MBP: variants seen among roughly 807,000 people sequenced by gnomAD.
The protein encoded by MBP is Golli-MBP.
In MBP, 16 loss-of-function variants were observed where a neutral mutation model predicts 35.8. That is an observed-to-expected ratio of 0.45 (90% CI 0.30 to 0.68). MBP has a LOEUF of 0.68. Among genes scored for constraint, MBP ranks in the 30% least tolerant of loss-of-function variants. The probability of loss-of-function intolerance (pLI) is 0.08; values close to 1 mark genes in which losing one functional copy is unlikely to be tolerated. For synonymous variants in MBP, 143 were observed against 159.6 expected (o/e 0.90, Z 0.78); for missense variants, 380 against 404.7 (o/e 0.94, Z 0.52).
chr18:77,113,934 C>T (rs1342369168), intron 1 of MBP: 2 of 152,232 alleles, frequency 1.3e-5, no homozygotes, highest in Admixed American at 6.5e-5. Flanking sequence ...CAGCAAGCTT[C>T]CCCGTGACAC....
At chr18:76,986,924 G>A (rs1018216555) in intron 7 of MBP, 1 of 985,340 alleles carries the variant, frequency 1.0e-6, no homozygotes, top group Non-Finnish European at 1.2e-6. Context: ...ACACAACACA[G>A]CTTAGAAAGA....
intron 3 of MBP, among the ~76,000 whole-genome samples, chr18:77,049,190 A>T (rs1973381545): frequency 6.8e-6 from 1 of 147,866 alleles, no homozygotes; most frequent in African/African-American, 2.5e-5. Context: ...AAGTGCTGGG[A>T]TTACAGGTGT....
intron 2 of MBP, among the ~76,000 whole-genome samples, chr18:77,078,913 G>C (rs1974771517): frequency 6.6e-6 from 1 of 152,176 alleles, no homozygotes. Flanking sequence ...CCAGGAGCCT[G>C]GCTGTGCCCT....
At chr18:77,113,272 G>A (rs1789093) in intron 1 of MBP, 44,538 of 152,266 alleles carry the variant, frequency 0.29, 7,705 homozygotes, top group South Asian at 0.41. Flanking sequence ...TAGATACACG[G>A]CATTTCACAC....
chr18:77,069,370 T>A (rs57025117), intron 2 of MBP, among the ~76,000 whole-genome samples: 24,913 of 152,276 alleles, frequency 0.16, 2,149 homozygotes, highest in South Asian at 0.25. Context: ...TTTTACATCC[T>A]GCTTCTATGC....
At chr18:77,003,892 C>T (rs923071847) in intron 4 of MBP, 3 of 152,040 alleles carry the variant, frequency 2.0e-5, no homozygotes, top group African/African-American at 7.3e-5. Flanking sequence ...TTATTCAATG[C>T]GTGCGTATTT....
intron 4 of MBP, among the ~76,000 whole-genome samples, chr18:77,002,462 TAATC>T (rs2123309588): frequency 6.6e-6 from 1 of 152,372 alleles, no homozygotes; most frequent in Admixed American, 6.5e-5. Flanking sequence ...GGCATTGTCT[TAATC>T]AAGTAAGTGG....
intron 3 of MBP, among the ~76,000 whole-genome samples, chr18:77,052,066 C>T (rs1297672073): frequency 2.6e-5 from 4 of 152,144 alleles, no homozygotes; most frequent in Admixed American, 2.6e-4. Flanking sequence ...CTGGAGAAGG[C>T]GTGTGAGTGC....
intron 4 of MBP, among the ~76,000 whole-genome samples, chr18:77,010,341 G>A (rs1971273561): frequency 6.6e-6 from 1 of 152,200 alleles, no homozygotes; most frequent in Non-Finnish European, 1.5e-5. Context: ...GGAGCAAAGT[G>A]CACTAAAAGG....
intron 3 of MBP, among the ~76,000 whole-genome samples, chr18:77,052,392 G>C (rs1046054187): frequency 1.3e-5 from 2 of 152,192 alleles, no homozygotes; most frequent in African/African-American, 4.8e-5. Context: ...CTTTGTCTGA[G>C]CTCCCCGGGT....
At chr18:77,035,582 G>C (rs1174111229) in intron 3 of MBP, among the ~76,000 whole-genome samples, 1 of 152,212 alleles carries the variant, frequency 6.6e-6, no homozygotes, top group Non-Finnish European at 1.5e-5. Flanking sequence ...TCTGTGAACT[G>C]TCTTGACCAG....
rs1969069889 is a variant in MBP at position 76,979,654 on chromosome 18, G to C, written c.*773C>G. Reference sequence around the variant, plus strand: ...TGCAGGGCAACGGTGACGTCCAGAGGCCACCTGCTTGACATCTCCATCACC... The same window carrying C: ...TGCAGGGCAACGGTGACGTCCAGAGCCCACCTGCTTGACATCTCCATCACC... On this transcript the variant is annotated 3_prime_UTR_variant, in exon 9 of 9. Coordinates refer to ENST00000355994, the MANE Select transcript of MBP (RefSeq NM_001025101.2). 4.6e-6 allele frequency: 2 copies of C among 435,044 alleles called. No homozygotes were observed. The highest frequency in any genetic ancestry group is 8.4e-6 in the Non-Finnish European group (2 of 238,756). The allele number at this position is 435,044 out of a possible 1,614,324, so 26.9% of individuals were successfully genotyped here. A position where few individuals can be genotyped will look rare whatever the true frequency, so the allele number is the denominator to read the frequency against.
chr18:77,082,014 G>A (rs1290700256), intron 2 of MBP, among the ~76,000 whole-genome samples: 1 of 148,170 alleles, frequency 6.7e-6, no homozygotes, highest in Non-Finnish European at 1.5e-5. Flanking sequence ...ACAACGCCTG[G>A]CTAATTTTTT....
At chr18:77,097,039 G>A (rs953939618) in intron 2 of MBP, among the ~76,000 whole-genome samples, 3 of 152,208 alleles carry the variant, frequency 2.0e-5, no homozygotes, top group East Asian at 1.9e-4. Context: ...GGGAAGTGGG[G>A]GAGCAGGGAG....
chr18:77,118,384 T>C (rs984797214), intron 1 of MBP, among the ~76,000 whole-genome samples: 2 of 151,884 alleles, frequency 1.3e-5, no homozygotes, highest in African/African-American at 4.8e-5. Context: ...CACCCAGCAG[T>C]TGGCACAGGA....
chr18:77,011,596 C>T (rs1436386400), intron 4 of MBP, among the ~76,000 whole-genome samples: 1 of 152,126 alleles, frequency 6.6e-6, no homozygotes. Flanking sequence ...CGGCTGCCTG[C>T]CACTCCCAGA....
intron 3 of MBP, among the ~76,000 whole-genome samples, chr18:77,051,339 C>G (rs1414066438): frequency 6.6e-6 from 1 of 152,208 alleles, no homozygotes; most frequent in Non-Finnish European, 1.5e-5. Flanking sequence ...TTGTAGCTCT[C>G]TAATGATAAA....
At chr18:77,097,175 C>T (rs1362247082) in intron 2 of MBP, 2 of 152,432 alleles carry the variant, frequency 1.3e-5, no homozygotes, top group East Asian at 3.9e-4. Flanking sequence ...CAAGGACTCC[C>T]CTGATCCTTT....
chr18:77,105,316 A>G (rs1395977201), intron 1 of MBP, 30 bp from the exon 2 acceptor site: 1 of 1,385,216 alleles, frequency 7.2e-7, no homozygotes, highest in East Asian at 2.3e-5. Context: ...TGTCAGCCCT[A>G]AGTCTAGTGC....
Sources: gnomAD v4.1 joint callset for allele counts (sites outside exome capture counted in the v4.1 genomes callset) on GRCh38, gnomAD v4.1.1 for gene constraint, MANE v1.5 for transcripts, NCBI Gene and HGNC (gene_info 2026-07-23, HGNC 2026-07-21) for gene names.